NCKAP1L: variants seen among roughly 807,000 people sequenced by gnomAD.
NCKAP1L encodes NCK associated protein 1 like.
A neutral mutation model predicts 139.2 loss-of-function variants in NCKAP1L; 53 were observed. The observed-to-expected ratio is 0.38, with a 90% CI of 0.31 to 0.48. The LOEUF is 0.48. Ranked by LOEUF, NCKAP1L falls within the 20% of genes least tolerant of loss-of-function variation. The pLI, the probability that NCKAP1L is intolerant of heterozygous loss-of-function variation, is 0.98. For synonymous variants in NCKAP1L, 468 were observed against 499.7 expected (o/e 0.94, Z 0.85); for missense variants, 1,151 against 1,381.9 (o/e 0.83, Z 2.65).
In NCKAP1L at chr12:54,526,667, A is replaced by T; in HGVS notation, c.2296A>T (p.Ile766Phe). ...TTTGGGTGCAGATGCTTCCAGAGTC[A>T]TCCGCAACGCCCTCCTGCAGCAGAC... Reference protein sequence around the residue: ...QFLGADASRVIRNALLQQTQP... With the variant: ...QFLGADASRVFRNALLQQTQP... The change falls in exon 21 of 31, where the codon ATC becomes TTC. Residue 766 changes from isoleucine (I) to phenylalanine (F), a missense_variant. Transcript: ENST00000293373. The T allele has an allele frequency of 6.2e-7, 1 of 1,614,130 alleles. No individual in the cohort carries two copies. Among genetic ancestry groups the T allele is most frequent in the African/African-American group, 1.3e-5 (1 of 75,036 alleles).
At chr12:54,521,290 T>C (rs1232013004) in intron 18 of NCKAP1L, 52 bp downstream of exon 18, 1 of 1,600,532 alleles carries the variant, frequency 6.2e-7, no homozygotes, top group Non-Finnish European at 8.5e-7. Flanking sequence ...GCTCAGTGCC[T>C]TCCCCTCTAT....
chr12:54,530,204 G>T (rs1255204266), intron 22 of NCKAP1L, among the ~76,000 whole-genome samples: 1 of 152,158 alleles, frequency 6.6e-6, no homozygotes, highest in African/African-American at 2.4e-5. Flanking sequence ...TCTTATTAGC[G>T]ATATTAAACT....
At chr12:54,542,335 G>A (rs1033826383) in intron 30 of NCKAP1L, among the ~76,000 whole-genome samples, 1 of 152,152 alleles carries the variant, frequency 6.6e-6, no homozygotes. Context: ...CCTGCTGTCT[G>A]CTTCTGTGCC....
intron 3 of NCKAP1L, among the ~76,000 whole-genome samples, chr12:54,504,236 C>A (rs1956824668): frequency 6.6e-6 from 1 of 152,098 alleles, no homozygotes; most frequent in Admixed American, 6.5e-5. Flanking sequence ...CTCTGAGCAA[C>A]CCAAGCTTGT....
chr12:54,498,762 G>A, intron 1 of NCKAP1L: 1 of 984,914 alleles, frequency 1.0e-6, no homozygotes, highest in Non-Finnish European at 1.2e-6. Context: ...CAGTTGAGGG[G>A]CGGGGAAACA....
chr12:54,527,649 A>G (rs1250657652), intron 21 of NCKAP1L, among the ~76,000 whole-genome samples: 1 of 152,190 alleles, frequency 6.6e-6, no homozygotes, highest in African/African-American at 2.4e-5. Context: ...GGAAAAAAAA[A>G]GTTTGACTGG....
chr12:54,537,060 G>C lies in NCKAP1L; in HGVS notation c.3183+7G>C. The C allele has an allele frequency of 6.4e-7, 1 of 1,567,562 alleles. No individual in the cohort carries two copies. ...CCTCAAGGAATTTCTGGTGGTGAGTGGGTCTAGGTTATAAAGAATGGAAGA... is the reference window on the plus strand; with the variant it reads ...CCTCAAGGAATTTCTGGTGGTGAGTCGGTCTAGGTTATAAAGAATGGAAGA... On this transcript the variant is annotated splice_region_variant and intron_variant, in intron 29 of 30. Transcript: ENST00000293373.
intron 22 of NCKAP1L, 71 bp downstream of exon 22, chr12:54,528,448 A>C: frequency 6.5e-7 from 1 of 1,546,938 alleles, no homozygotes; most frequent in South Asian, 1.2e-5. Flanking sequence ...ATAAAAGACT[A>C]GGACATGTAT....
intron 3 of NCKAP1L, among the ~76,000 whole-genome samples, chr12:54,503,287 T>A (rs1446494168): frequency 6.6e-6 from 1 of 152,082 alleles, no homozygotes; most frequent in Non-Finnish European, 1.5e-5. Context: ...ATAATGAGCA[T>A]GTATTATTTT....
chr12:54,530,098 C>T (rs185372032), intron 22 of NCKAP1L, among the ~76,000 whole-genome samples: 148 of 152,356 alleles, frequency 9.7e-4, no homozygotes, highest in Non-Finnish European at 1.8e-3. Flanking sequence ...TGGCTGTGAC[C>T]AGTTCCATTT....
chr12:54,526,825 G>A (rs76835498), intron 21 of NCKAP1L, 79 bp downstream of exon 21: 16,173 of 1,217,126 alleles, frequency 0.013, 139 homozygotes, highest in Non-Finnish European at 0.017. Context: ...CTCAGGGCCC[G>A]AGCATTTTAG....
At chr12:54,506,792 A>ATATATATATATATAT (rs1555170876) in intron 3 of NCKAP1L, among the ~76,000 whole-genome samples, 6 of 23,152 alleles carry the variant, frequency 2.6e-4, no homozygotes, top group South Asian at 2.2e-3. Flanking sequence ...TATTAAAAAA[A>ATATATATATATATAT]AAAAATATAT....
rs918875384 is a variant in NCKAP1L at position 54,548,074 on chromosome 12, A to G, written c.*5389A>G. On this transcript the variant is annotated 3_prime_UTR_variant, in exon 31 of 31. Coordinates refer to ENST00000293373, the MANE Select transcript of NCKAP1L (RefSeq NM_005337.5). ...TTTTATGTTAGGAGTCTTAGCTGTG[A>G]CAGTTCATCCGCTTCTTCGCCCTTC... The G allele has an allele frequency of 6.6e-6, 1 of 152,264 alleles. No homozygotes were observed. The highest frequency in any genetic ancestry group is 2.4e-5 in the African/African-American group (1 of 41,462). 9.4% of individuals were successfully genotyped at this position (152,264 alleles called of 1,614,324 possible). A position where few individuals can be genotyped will look rare whatever the true frequency, so the allele number is the denominator to read the frequency against.
chr12:54,533,855 C>A (rs1307771627), intron 26 of NCKAP1L, among the ~76,000 whole-genome samples: 2 of 152,192 alleles, frequency 1.3e-5, no homozygotes, highest in African/African-American at 4.8e-5. Context: ...CAGGCATGAG[C>A]CATTGCTCTG....
rs745620546 is a variant in NCKAP1L at position 54,526,699 on chromosome 12, A to T, written c.2328A>T (p.Pro776=). The T allele has an allele frequency of 6.2e-7, 1 of 1,614,106 alleles. No individual in the cohort carries two copies. Among genetic ancestry groups the T allele is most frequent in the Non-Finnish European group, 8.5e-7 (1 of 1,180,022 alleles). Residue 776 remains proline, a synonymous_variant, in exon 21 of 31, where the codon CCA becomes CCT. Transcript: ENST00000293373. ...ACGCCCTCCTGCAGCAGACACAACC[A>T]CTGGATTCCTGTGGGGAACAGACAA... The part of the protein sequence containing the change: ...IRNALLQQTQ[P]LDSCGEQTIT...
chr12:54,532,597 G>A (rs1050087662), intron 26 of NCKAP1L, among the ~76,000 whole-genome samples: 1 of 152,118 alleles, frequency 6.6e-6, no homozygotes, highest in Admixed American at 6.5e-5. Flanking sequence ...CTTTAGTCTT[G>A]AGGTTAGGTA....
intron 9 of NCKAP1L, among the ~76,000 whole-genome samples, chr12:54,514,504 G>A (rs1364413129): frequency 2.0e-5 from 3 of 151,966 alleles, no homozygotes; most frequent in African/African-American, 7.2e-5. Flanking sequence ...TGTATTTTTA[G>A]TAGAGACGGG....
At chr12:54,526,456 A>G in intron 20 of NCKAP1L, 72 bp from the exon 21 acceptor site, 1 of 1,224,210 alleles carries the variant, frequency 8.2e-7, no homozygotes, top group Non-Finnish European at 1.2e-6. Flanking sequence ...GGAACACAAT[A>G]TACACTCAAC....
intron 2 of NCKAP1L, among the ~76,000 whole-genome samples, chr12:54,499,724 AACATTGTTTTTGT>A (rs1956781699): frequency 6.6e-6 from 1 of 152,204 alleles, no homozygotes; most frequent in South Asian, 2.1e-4. Flanking sequence ...TTCATGGGAA[AACATTGTTTTTGT>A]ACAAGACAGC....
Sources: gnomAD v4.1 joint callset for allele counts (sites outside exome capture counted in the v4.1 genomes callset) on GRCh38, gnomAD v4.1.1 for gene constraint, MANE v1.5 for transcripts, NCBI Gene and HGNC (gene_info 2026-07-23, HGNC 2026-07-21) for gene names.